The following ADD2 variants were observed in gnomAD, a reference collection of about 807,000 sequenced individuals.
The protein encoded by ADD2 is adducin 2.
A neutral mutation model predicts 83.0 loss-of-function variants in ADD2; 23 were observed. The ratio of observed to expected loss-of-function variants is 0.28; its 90% CI spans 0.20 to 0.39. The LOEUF is 0.39. Ranked by LOEUF, ADD2 falls within the 10% of genes least tolerant of loss-of-function variation. The probability of loss-of-function intolerance (pLI) is 1.00; values close to 1 mark genes in which losing one functional copy is unlikely to be tolerated. For missense variants in ADD2, 758 were observed against 944.9 expected, an observed-to-expected ratio of 0.80 and a Z score of 2.59; for synonymous variants, 375 against 375.4, an observed-to-expected ratio of 1.00 and a Z score of 0.01.
At chr2:70,724,475 G>A (rs1393467565) in intron 1 of ADD2, among the ~76,000 whole-genome samples, 2 of 151,544 alleles carry the variant, frequency 1.3e-5, no homozygotes, top group Non-Finnish European at 2.9e-5. Flanking sequence ...CTCTGCCCCC[G>A]CCCACCCTCA....
chr2:70,732,478 A>C (rs1417337266), intron 1 of ADD2, among the ~76,000 whole-genome samples: 1 of 152,224 alleles, frequency 6.6e-6, no homozygotes, highest in African/African-American at 2.4e-5. Context: ...CCCCTGCCCT[A>C]TACAGAGAAG....
At chr2:70,671,747 T>C (rs1669903724) in intron 15 of ADD2, among the ~76,000 whole-genome samples, 1 of 152,178 alleles carries the variant, frequency 6.6e-6, no homozygotes. Flanking sequence ...CTGGCAACAC[T>C]GGGCCTGCAC....
At chr2:70,696,213 TG>T (rs1356573211) in intron 5 of ADD2, 31 bp downstream of exon 5, 1 of 1,600,458 alleles carries the variant, frequency 6.2e-7, no homozygotes, top group Non-Finnish European at 8.5e-7. Flanking sequence ...CCACATGCAG[TG>T]CCCCACCCAA....
intron 1 of ADD2, among the ~76,000 whole-genome samples, chr2:70,716,926 C>T (rs974505142): frequency 3.9e-5 from 6 of 152,124 alleles, no homozygotes; most frequent in Non-Finnish European, 5.9e-5. Flanking sequence ...TTAACAAATC[C>T]GACATTAATT....
chr2:70,665,811 TTTTTTTG>T (rs1387113868), intron 15 of ADD2, among the ~76,000 whole-genome samples: 7 of 98,290 alleles, frequency 7.1e-5, no homozygotes, highest in African/African-American at 3.2e-4. Context: ...ATCACACTTG[TTTTTTTG>T]TTTTTTTTTT....
chr2:70,714,020 GC>G (rs1462113256), intron 1 of ADD2, among the ~76,000 whole-genome samples: 1 of 151,958 alleles, frequency 6.6e-6, no homozygotes, highest in African/African-American at 2.4e-5. Flanking sequence ...GGGAAGAAAG[GC>G]CCCAGCTAAT....
chr2:70,739,559 C>T (rs1293949267), intron 1 of ADD2, among the ~76,000 whole-genome samples: 1 of 152,220 alleles, frequency 6.6e-6, no homozygotes, highest in Non-Finnish European at 1.5e-5. Flanking sequence ...ATAAATCATT[C>T]TACCATGAAG....
rs1675444681 is a variant in ADD2, at chr2:70,658,876, G to A, written c.*4549C>T. 1 of 152,204 alleles carries A rather than the reference G, an allele frequency of 6.6e-6. No homozygotes were observed. Among genetic ancestry groups the A allele is most frequent in the African/African-American group, 2.4e-5 (1 of 41,432 alleles). 9.4% of individuals were successfully genotyped at this position (152,204 alleles called of 1,614,324 possible). A position where few individuals can be genotyped will look rare whatever the true frequency, so the allele number is the denominator to read the frequency against. On this transcript the variant is annotated 3_prime_UTR_variant, in exon 16 of 16. Coordinates refer to ENST00000264436, the MANE Select transcript of ADD2 (RefSeq NM_001617.4). ...GAAAAAACGTGTCAGCTGGCACAGT[G>A]GCTCATTCCTGTAATCCCAGCACTT...
At chr2:70,743,090 G>A (rs1674005188) in intron 1 of ADD2, among the ~76,000 whole-genome samples, 1 of 152,156 alleles carries the variant, frequency 6.6e-6, no homozygotes, top group Non-Finnish European at 1.5e-5. Flanking sequence ...ATTAGCTAAG[G>A]AGGTCAAAAT....
chr2:70,762,015 T>A (rs1369011869), intron 1 of ADD2, among the ~76,000 whole-genome samples: 1 of 151,532 alleles, frequency 6.6e-6, no homozygotes, highest in Non-Finnish European at 1.5e-5. Context: ...TAGAAAAAAA[T>A]GGGCAGAAAA....
intron 7 of ADD2, 21 bp from the exon 8 acceptor site, chr2:70,690,950 G>A: frequency 6.2e-7 from 1 of 1,601,670 alleles, no homozygotes; most frequent in Non-Finnish European, 8.5e-7. Context: ...CAATGGCATG[G>A]TTAGCACCTG....
At chr2:70,698,197 A>C (rs1188010811) in intron 4 of ADD2, among the ~76,000 whole-genome samples, 1 of 152,082 alleles carries the variant, frequency 6.6e-6, no homozygotes, top group Non-Finnish European at 1.5e-5. Context: ...AGTTCTTTGA[A>C]TACTTCTCCT....
chr2:70,679,006 G>A (rs146573334), intron 10 of ADD2, 45 bp from the exon 11 acceptor site: 2 of 1,548,010 alleles, frequency 1.3e-6, no homozygotes, highest in Middle Eastern at 3.5e-4. Flanking sequence ...GAGAAAAAAG[G>A]CCTGTACCTG....
intron 10 of ADD2, among the ~76,000 whole-genome samples, chr2:70,683,230 C>A (rs561810007): frequency 7.2e-4 from 110 of 151,920 alleles, no homozygotes; most frequent in Non-Finnish European, 1.3e-3. Context: ...TGTTTCACTG[C>A]ATTAGCCAGG....
At chr2:70,712,456 TAAATAAAA>T (rs1364474792) in intron 2 of ADD2, among the ~76,000 whole-genome samples, 2 of 65,264 alleles carry the variant, frequency 3.1e-5, no homozygotes, top group African/African-American at 1.7e-4. Context: ...AAAAAATAAA[TAAATAAAA>T]AAAAAAAAAA....
At chr2:70,674,565 A>G in intron 14 of ADD2, 113 bp downstream of exon 14, 4 of 1,186,440 alleles carry the variant, frequency 3.4e-6, no homozygotes, top group Non-Finnish European at 4.7e-6. Flanking sequence ...TAATGGAACT[A>G]CAGTAGAAAT....
intron 1 of ADD2, among the ~76,000 whole-genome samples, chr2:70,762,402 C>T (rs559130562): frequency 9.9e-5 from 15 of 151,786 alleles, no homozygotes; most frequent in Middle Eastern, 3.4e-3. Flanking sequence ...AATGGAGAGT[C>T]AAGGGTCACA....
chr2:70,672,406 C>T (rs1669932199), intron 15 of ADD2, among the ~76,000 whole-genome samples: 1 of 152,200 alleles, frequency 6.6e-6, no homozygotes, highest in Admixed American at 6.5e-5. Context: ...ATCCAAGAAT[C>T]AAGACGGTTA....
intron 1 of ADD2, among the ~76,000 whole-genome samples, chr2:70,745,682 T>C (rs539311520): frequency 8.4e-4 from 128 of 152,330 alleles, no homozygotes; most frequent in African/African-American, 2.9e-3. Flanking sequence ...TGCTTGCCCC[T>C]CTTTCCTGAG....
Sources: allele counts gnomAD v4.1 joint callset (sites outside exome capture counted in the v4.1 genomes callset), GRCh38; gene constraint gnomAD v4.1.1; transcripts MANE v1.5; gene names NCBI Gene and HGNC (gene_info 2026-07-23, HGNC 2026-07-21).